CNTN1: variants seen among roughly 807,000 people sequenced by gnomAD.
CNTN1 encodes contactin-1.
CNTN1 carries 38 observed loss-of-function variants against 126.4 expected under a neutral mutation model. The ratio of observed to expected loss-of-function variants is 0.30; its 90% CI spans 0.23 to 0.39. The LOEUF is 0.39. Among genes scored for constraint, CNTN1 ranks in the 10% least tolerant of loss-of-function variants. CNTN1 has a pLI of 1.00. For missense variants in CNTN1, 1,009 were observed against 1,248.4 expected (o/e 0.81, Z 2.89); for synonymous variants, 413 against 422.6 (o/e 0.98, Z 0.28).
intron 1 of CNTN1, among the ~76,000 whole-genome samples, chr12:40,793,035 T>TA (rs1471250737): frequency 1.3e-5 from 2 of 151,952 alleles, no homozygotes; most frequent in African/African-American, 4.8e-5. Flanking sequence ...TAGCCTCATC[T>TA]AAAAAAGATT....
intron 23 of CNTN1, among the ~76,000 whole-genome samples, chr12:41,044,137 C>T (rs1249216280): frequency 2.0e-5 from 3 of 150,506 alleles, no homozygotes; most frequent in Non-Finnish European, 4.4e-5. Flanking sequence ...TACCCTAAAA[C>T]TTAAAGTATA....
At chr12:40,958,379 G>T (rs1946973829) in intron 14 of CNTN1, among the ~76,000 whole-genome samples, 1 of 140,122 alleles carries the variant, frequency 7.1e-6, no homozygotes, top group Non-Finnish European at 1.6e-5. Flanking sequence ...GTGTGTGTGT[G>T]TATGTATGTA....
chr12:40,787,799 T>A (rs1379149402), intron 1 of CNTN1, among the ~76,000 whole-genome samples: 2 of 152,186 alleles, frequency 1.3e-5, no homozygotes, highest in African/African-American at 4.8e-5. Flanking sequence ...TCTAGATGAA[T>A]TTCATTGTGT....
intron 1 of CNTN1, among the ~76,000 whole-genome samples, chr12:40,819,515 A>T (rs1486805347): frequency 6.6e-6 from 1 of 152,152 alleles, no homozygotes; most frequent in East Asian, 1.9e-4. Context: ...GGACCAAGCT[A>T]TCCAGTCTTC....
intron 1 of CNTN1, among the ~76,000 whole-genome samples, chr12:40,722,229 C>A (rs1403145133): frequency 6.6e-6 from 1 of 152,112 alleles, no homozygotes; most frequent in Non-Finnish European, 1.5e-5. Context: ...TGATCTTGAC[C>A]TGAACTCACT....
chr12:40,830,221 G>A (rs1941761456), intron 1 of CNTN1, among the ~76,000 whole-genome samples: 1 of 152,088 alleles, frequency 6.6e-6, no homozygotes, highest in Non-Finnish European at 1.5e-5. Context: ...AGAATAAGAT[G>A]TGCTCAGTTC....
chr12:40,787,082 TG>T (rs1940050821), intron 1 of CNTN1, among the ~76,000 whole-genome samples: 1 of 152,182 alleles, frequency 6.6e-6, no homozygotes, highest in African/African-American at 2.4e-5. Flanking sequence ...TTAAAAAATC[TG>T]CCTCTATATC....
chr12:41,036,585 T>C (rs965543953), intron 23 of CNTN1, among the ~76,000 whole-genome samples: 1 of 152,158 alleles, frequency 6.6e-6, no homozygotes, highest in Admixed American at 6.5e-5. Context: ...AGTGATATGA[T>C]GATGATATTT....
chr12:40,996,696 T>C (rs1334128429), intron 17 of CNTN1, among the ~76,000 whole-genome samples: 1 of 152,246 alleles, frequency 6.6e-6, no homozygotes, highest in African/African-American at 2.4e-5. Context: ...TATAATTTTA[T>C]GTAATTTTCA....
intron 15 of CNTN1, among the ~76,000 whole-genome samples, chr12:40,964,031 T>C (rs529978078): frequency 5.2e-4 from 79 of 152,168 alleles, no homozygotes; most frequent in African/African-American, 1.6e-3. Flanking sequence ...AAAAAGAAAT[T>C]AGGCTTTAAC....
intron 1 of CNTN1, among the ~76,000 whole-genome samples, chr12:40,732,406 A>T (rs1210564684): frequency 6.6e-6 from 1 of 152,088 alleles, no homozygotes; most frequent in African/African-American, 2.4e-5. Flanking sequence ...TATCATAATG[A>T]TTTATGAAAT....
chr12:40,984,979 C>G (rs932983027), intron 16 of CNTN1, among the ~76,000 whole-genome samples: 14 of 151,874 alleles, frequency 9.2e-5, no homozygotes, highest in African/African-American at 3.4e-4. Flanking sequence ...ATTACCTTTA[C>G]CAATGCTCAT....
chr12:40,912,360 C>A (rs1169858614), intron 3 of CNTN1, among the ~76,000 whole-genome samples: 1 of 150,392 alleles, frequency 6.6e-6, no homozygotes, highest in African/African-American at 2.4e-5. Context: ...ATTTTAGATG[C>A]TTTTTTCCAC....
chr12:40,899,939 A>T (rs996223888), intron 1 of CNTN1, among the ~76,000 whole-genome samples: 10 of 152,136 alleles, frequency 6.6e-5, no homozygotes, highest in South Asian at 4.1e-4. Flanking sequence ...AGTATCTTTT[A>T]AAAAAATTAA....
chr12:40,983,520 T>C (rs1034712398), intron 16 of CNTN1, among the ~76,000 whole-genome samples: 1 of 151,540 alleles, frequency 6.6e-6, no homozygotes, highest in Non-Finnish European at 1.5e-5. Flanking sequence ...TGTGTATATG[T>C]ATAATCCTGC....
chr12:40,938,547 C>A (rs543033630), intron 11 of CNTN1, among the ~76,000 whole-genome samples: 1 of 152,118 alleles, frequency 6.6e-6, no homozygotes, highest in Admixed American at 6.6e-5. Flanking sequence ...CCTGTGGTAC[C>A]TTTGCCAAAT....
At position 40,983,918 on chromosome 12, in the gene CNTN1, G is replaced by A. The variant is rs887516057; in HGVS notation, c.1963+2851G>A. Among the ~76,000 whole-genome samples the A allele has an allele frequency of 1.9e-4, 11 of 59,114 alleles. 1 individual carries two copies. Among genetic ancestry groups the A allele is most frequent in the African/African-American group, 8.6e-4 (11 of 12,724 alleles). The allele number at this position is 59,114 out of a possible 152,430, so 38.8% of individuals were successfully genotyped here. A position where few individuals can be genotyped will look rare whatever the true frequency, so the allele number is the denominator to read the frequency against. On this transcript the variant is annotated intron_variant, in intron 16 of 23. Coordinates refer to ENST00000551295, the MANE Select transcript of CNTN1 (RefSeq NM_001843.4). ...GCATATTTTATTATATGCTATTATA[G>A]CATATTTTATTATATGCTATGTCAT...
chr12:40,998,392 T>G (rs1948274306), intron 17 of CNTN1, among the ~76,000 whole-genome samples: 1 of 152,178 alleles, frequency 6.6e-6, no homozygotes, highest in African/African-American at 2.4e-5. Flanking sequence ...AACTAAAAAC[T>G]CATTCTGCTT....
intron 1 of CNTN1, among the ~76,000 whole-genome samples, chr12:40,803,890 A>C (rs1331224784): frequency 6.6e-6 from 1 of 151,876 alleles, no homozygotes; most frequent in Non-Finnish European, 1.5e-5. Flanking sequence ...TATAAAGTGC[A>C]TCCACTTTAA....
Sources: gnomAD v4.1 joint callset for allele counts (sites outside exome capture counted in the v4.1 genomes callset) on GRCh38, gnomAD v4.1.1 for gene constraint, MANE v1.5 for transcripts, NCBI Gene and HGNC (gene_info 2026-07-23, HGNC 2026-07-21) for gene names.